Variants in DLG2 observed in about 807,000 individuals in gnomAD.
The protein encoded by DLG2 is discs large MAGUK scaffold protein 2.
DLG2 carries 45 observed loss-of-function variants against 132.5 expected under a neutral mutation model. The ratio of observed to expected loss-of-function variants is 0.34; its 90% confidence interval spans 0.27 to 0.44. DLG2 has a LOEUF of 0.44. Ranked by LOEUF, DLG2 falls within the 20% of genes least tolerant of loss-of-function variation. The pLI, the probability that DLG2 is intolerant of heterozygous loss-of-function variation, is 1.00. For missense variants in DLG2, 1,045 were observed against 1,196.9 expected, an observed-to-expected ratio of 0.87 and a Z score of 1.87; for synonymous variants, 424 against 419.6, an observed-to-expected ratio of 1.01 and a Z score of -0.13.
At position 85,182,158 on chromosome 11, in the gene DLG2, C is replaced by A. The variant is rs564911437; in HGVS notation, c.187-27507G>T. On this transcript the variant is annotated intron_variant, in intron 4 of 27. Transcript: ENST00000376104. The stretch of plus-strand genomic sequence containing the variant: ...GTAGGACCTATTTATTCCAAGTACT[C>A]TGCCTATGTTATCCCAATTCATTCT... Among the ~76,000 whole-genome samples the A allele has an allele frequency of 5.9e-5, 9 of 152,078 alleles. No homozygotes were observed. The East Asian group carries it at 1.7e-3, about 29-fold the overall frequency.
intron 18 of DLG2, among the ~76,000 whole-genome samples, chr11:83,706,733 G>A (rs1476822017): frequency 1.3e-5 from 2 of 152,192 alleles, no homozygotes; most frequent in African/African-American, 2.4e-5. Flanking sequence ...CAACTCCCTT[G>A]CACGTCCAGT....
intron 7 of DLG2, among the ~76,000 whole-genome samples, chr11:84,420,869 C>A (rs1159997995): frequency 6.6e-6 from 1 of 151,516 alleles, no homozygotes; most frequent in South Asian, 2.1e-4. Context: ...GGGGTTTCAC[C>A]GTTTTAGCCA....
At chr11:85,144,975 C>T (rs1360861295) in intron 5 of DLG2, among the ~76,000 whole-genome samples, 1 of 152,050 alleles carries the variant, frequency 6.6e-6, no homozygotes, top group African/African-American at 2.4e-5. Flanking sequence ...GATTAAAGAA[C>T]TCTCTTTAGC....
At chr11:83,633,745 C>CACACACAG (rs2064028199) in intron 18 of DLG2, among the ~76,000 whole-genome samples, 2 of 69,476 alleles carry the variant, frequency 2.9e-5, no homozygotes, top group Admixed American at 1.5e-4. Context: ...CAGAACTAAA[C>CACACACAG]ACACACACAC....
intron 19 of DLG2, among the ~76,000 whole-genome samples, chr11:83,608,677 C>A (rs1283672038): frequency 1.3e-5 from 2 of 151,440 alleles, no homozygotes; most frequent in Non-Finnish European, 2.9e-5. Context: ...CAGGAGCAAT[C>A]CATAATTATA....
At chr11:85,420,784 C>G (rs2090234266) in intron 3 of DLG2, among the ~76,000 whole-genome samples, 1 of 152,154 alleles carries the variant, frequency 6.6e-6, no homozygotes, top group African/African-American at 2.4e-5. Flanking sequence ...ATGCCCCTCC[C>G]CCCACCAAGC....
intron 6 of DLG2, among the ~76,000 whole-genome samples, chr11:84,922,498 C>A (rs188292538): frequency 6.6e-6 from 1 of 152,152 alleles, no homozygotes; most frequent in African/African-American, 2.4e-5. Context: ...GTGACAACAG[C>A]GGGACAGCAG....
intron 3 of DLG2, chr11:85,452,777 T>C (rs539457006): frequency 7.7e-5 from 12 of 155,442 alleles, no homozygotes; most frequent in African/African-American, 2.9e-4. Flanking sequence ...CAACCAGAGG[T>C]TGTTGAATCT....
intron 6 of DLG2, among the ~76,000 whole-genome samples, chr11:84,963,031 G>A (rs1591906103): frequency 6.6e-6 from 1 of 152,202 alleles, no homozygotes; most frequent in African/African-American, 2.4e-5. Context: ...ATAGTAAATT[G>A]CAGTGGCTCC....
intron 18 of DLG2, among the ~76,000 whole-genome samples, chr11:83,784,717 C>T (rs1047350702): frequency 6.6e-6 from 1 of 152,190 alleles, no homozygotes; most frequent in African/African-American, 2.4e-5. Context: ...AGAACAGGGA[C>T]ATGTTTGTCC....
At chr11:84,970,471 C>G (rs139739181) in intron 6 of DLG2, among the ~76,000 whole-genome samples, 1 of 152,280 alleles carries the variant, frequency 6.6e-6, no homozygotes, top group Non-Finnish European at 1.5e-5. Flanking sequence ...AATCAACAAC[C>G]ATTTATTTCC....
chr11:84,149,591 C>A (rs544950551), intron 9 of DLG2, among the ~76,000 whole-genome samples: 1 of 152,006 alleles, frequency 6.6e-6, no homozygotes, highest in African/African-American at 2.4e-5. Context: ...TGTTTTTGTG[C>A]CAGTACCATG....
rs2087057798 is a variant in DLG2 at position 85,394,078 on chromosome 11, T to C, written c.41-108713A>G. Among the ~76,000 whole-genome samples, 4 of 152,220 alleles carry C rather than the reference T, an allele frequency of 2.6e-5. No homozygotes were observed. The South Asian group carries it at 8.3e-4, about 32-fold the overall frequency. ...TATTGAAATATTTTCAAGTGGAAAA[T>C]CTAGAAAAAAGAATCTATATATCAG... is the stretch of plus-strand genomic sequence containing the variant. On this transcript the variant is annotated intron_variant, in intron 3 of 27. Coordinates refer to ENST00000376104, the MANE Select transcript of DLG2 (RefSeq NM_001142699.3).
chr11:84,685,979 G>A (rs1245977675), intron 6 of DLG2, among the ~76,000 whole-genome samples: 2 of 152,152 alleles, frequency 1.3e-5, no homozygotes, highest in African/African-American at 4.8e-5. Context: ...GAGCCACCGC[G>A]CCCGGCCTAT....
chr11:85,542,002 G>A (rs1464199908), intron 3 of DLG2, among the ~76,000 whole-genome samples: 8 of 152,100 alleles, frequency 5.3e-5, no homozygotes, highest in Non-Finnish European at 1.2e-4. Context: ...AAGTAATTTA[G>A]AAGAGTAAGG....
intron 7 of DLG2, among the ~76,000 whole-genome samples, chr11:84,523,738 T>A (rs1037919608): frequency 6.6e-6 from 1 of 152,224 alleles, no homozygotes; most frequent in Non-Finnish European, 1.5e-5. Context: ...GTTTTGGCAA[T>A]AGTGAAATCT....
At chr11:85,313,172 C>T (rs968987350) in intron 3 of DLG2, among the ~76,000 whole-genome samples, 4 of 151,886 alleles carry the variant, frequency 2.6e-5, no homozygotes, top group Non-Finnish European at 5.9e-5. Flanking sequence ...AACCTTTTTA[C>T]AGGTGATCCC....
intron 3 of DLG2, among the ~76,000 whole-genome samples, chr11:85,378,911 T>C (rs536242124): frequency 6.6e-6 from 1 of 152,288 alleles, no homozygotes; most frequent in South Asian, 2.1e-4. Context: ...AAAATACACA[T>C]AAATTTCTAA....
At chr11:85,422,738 A>G (rs1220910679) in intron 3 of DLG2, among the ~76,000 whole-genome samples, 1 of 152,028 alleles carries the variant, frequency 6.6e-6, no homozygotes, top group African/African-American at 2.4e-5. Context: ...TGATCTGCTC[A>G]TCTCAGCCTC....
Sources: gnomAD v4.1 joint callset for allele counts (sites outside exome capture counted in the v4.1 genomes callset) on GRCh38, gnomAD v4.1.1 for gene constraint, MANE v1.5 for transcripts, NCBI Gene and HGNC (gene_info 2026-07-23, HGNC 2026-07-21) for gene names.